DYNC1H1: variants seen among roughly 807,000 people sequenced by gnomAD.
DYNC1H1 encodes the protein cytoplasmic dynein 1 heavy chain 1.
In DYNC1H1, 51 loss-of-function variants were observed where a neutral mutation model predicts 527.1. That is an observed-to-expected ratio of 0.10 (90% CI 0.08 to 0.12). The LOEUF (loss-of-function observed/expected upper bound fraction) is 0.12. DYNC1H1 is among the 10% of genes least tolerant of loss of function. The pLI is 1.00. For missense variants in DYNC1H1, 2,771 were observed against 5,971.8 expected (o/e 0.46, Z 17.66); for synonymous variants, 2,189 against 2,278.8 (o/e 0.96, Z 1.12).
At chr14:101,989,201 A>G (rs2047968587) in intron 10 of DYNC1H1, among the ~76,000 whole-genome samples, 1 of 152,250 alleles carries the variant, frequency 6.6e-6, no homozygotes, top group Admixed American at 6.5e-5. Flanking sequence ...AAAATGAAAA[A>G]TTAAATTTTA....
In DYNC1H1 at chr14:102,002,052, C is replaced by T. The variant is rs975085339; in HGVS notation, c.4542+371C>T. ...CCTCCTAAAGTGCCGGGATTACAGG[C>T]GTGAGTCACCACAGCCAGTCAATAC... On this transcript the variant is annotated intron_variant, in intron 21 of 77. Coordinates refer to ENST00000360184, the MANE Select transcript of DYNC1H1 (RefSeq NM_001376.5). This position sits in a 1 kb window ranked among gnomAD's most constrained non-coding sequence, Gnocchi z 4.4. 3.2e-4 allele frequency among the ~76,000 whole-genome samples: 49 copies of T among 151,906 alleles called. No homozygotes were observed. The highest frequency in any genetic ancestry group is 6.6e-4 in the Admixed American group (10 of 15,250).
intron 2 of DYNC1H1, among the ~76,000 whole-genome samples, chr14:101,978,010 C>T (rs779764605): frequency 9.9e-5 from 15 of 152,200 alleles, no homozygotes; most frequent in Non-Finnish European, 2.2e-4. Flanking sequence ...CCTCAGCCTC[C>T]TGAATAGTTG....
In DYNC1H1 at chr14:102,041,621, C is replaced by T. The variant is rs1399236395; in HGVS notation, c.11989C>T (p.Arg3997Trp). 1.2e-6 allele frequency: 2 copies of T among 1,614,230 alleles called. No individual in the cohort carries two copies. The highest frequency in any genetic ancestry group is 1.7e-6 in the Non-Finnish European group (2 of 1,180,042). Reference protein sequence around the residue: ...IHRLLLIQAFRPDRLLAMAHM... With the variant: ...IHRLLLIQAFWPDRLLAMAHM... ...CCGCCTGCTCCTGATCCAGGCTTTC[C>T]GGCCCGATCGCCTGTTGGCCATGGC... Residue 3997 changes from arginine to tryptophan, a missense_variant, in exon 65 of 78, where the codon CGG becomes TGG. This residue lies in a region of DYNC1H1 where 120 missense variants were observed against 161.9 expected (regional missense o/e 0.74). Transcript: ENST00000360184. This position sits in a 1 kb window ranked among gnomAD's most constrained non-coding sequence, Gnocchi z 4.5.
rs2048369050 is a variant in DYNC1H1 at position 102,020,174 on chromosome 14, T to C, written c.8507+118T>C. 5.7e-6 allele frequency: 8 copies of C among 1,405,224 alleles called. No homozygotes were observed. The highest frequency in any genetic ancestry group is 7.8e-6 in the Non-Finnish European group (8 of 1,022,928). The allele number at this position is 1,405,224 out of a possible 1,614,324, so 87.0% of individuals were successfully genotyped here. A position where few individuals can be genotyped will look rare whatever the true frequency, so the allele number is the denominator to read the frequency against. ...CTAAGTTAGAGCCAGGTGGTGCCAG[T>C]GGTGGAAGGAGCAGAGTCAGCCAGG... On this transcript the variant is annotated intron_variant, in intron 42 of 77. Coordinates refer to ENST00000360184, the MANE Select transcript of DYNC1H1 (RefSeq NM_001376.5). The surrounding 1 kb of genome is among the most constrained non-coding windows in gnomAD (Gnocchi z 4.3).
intron 56 of DYNC1H1, chr14:102,035,288 A>G (rs2048561127): frequency 6.6e-6 from 1 of 152,252 alleles, no homozygotes; most frequent in African/African-American, 2.4e-5. Context: ...CATTCAAACA[A>G]ACAGTCCTCT....
chr14:101,990,726 T>C (rs1346221302), intron 10 of DYNC1H1, among the ~76,000 whole-genome samples: 1 of 151,844 alleles, frequency 6.6e-6, no homozygotes, highest in African/African-American at 2.4e-5. Context: ...AGTACAAAAA[T>C]TAGGCCGGGC....
At position 102,050,859 on chromosome 14, in the gene DYNC1H1, A is replaced by C. The variant is rs1397818738; in HGVS notation, c.*296A>C. Reference sequence around the variant, plus strand: ...CAGAGCCTTGCCTTCCATGCTGCCCAGGGAGGGCAGCCCACGGCAGCCATG... The same window carrying C: ...CAGAGCCTTGCCTTCCATGCTGCCCCGGGAGGGCAGCCCACGGCAGCCATG... On this transcript the variant is annotated 3_prime_UTR_variant, in exon 78 of 78. Coordinates refer to ENST00000360184, the MANE Select transcript of DYNC1H1 (RefSeq NM_001376.5). 1.5e-5 allele frequency: 6 copies of C among 411,272 alleles called. No individual in the cohort carries two copies. Among genetic ancestry groups the C allele is most frequent in the Non-Finnish European group, 2.7e-5 (6 of 220,166 alleles). The allele number at this position is 411,272 out of a possible 1,614,324, so 25.5% of individuals were successfully genotyped here. A position where few individuals can be genotyped will look rare whatever the true frequency, so the allele number is the denominator to read the frequency against.
chr14:102,017,318 TTCC>T lies in DYNC1H1; in HGVS notation c.8055+26_8055+28del. The T allele has an allele frequency of 6.2e-7, 1 of 1,614,130 alleles. No homozygotes were observed. Among genetic ancestry groups the T allele is most frequent in the East Asian group, 2.2e-5 (1 of 44,896 alleles). On this transcript the variant is annotated intron_variant, in intron 39 of 77. Transcript: ENST00000360184. This position sits in a 1 kb window ranked among gnomAD's most constrained non-coding sequence, Gnocchi z 4.6. ...AGGTTTGTTTCTATCCACAAGGCCC[TTCC>T]TGCCCCACAATGTTTCTTGTTCAAG...
rs1474621644 is a variant in DYNC1H1, at chr14:102,020,552, A to G, written c.8507+496A>G. On this transcript the variant is annotated intron_variant, in intron 42 of 77. Transcript: ENST00000360184. The surrounding 1 kb of genome is among the most constrained non-coding windows in gnomAD (Gnocchi z 4.3). ...TGTTTCTCAGTCTGTGTTCTCATCA[A>G]AGGCTTTGCAGCTGCAGCTCTGGGG... Among the ~76,000 whole-genome samples, 1 of 152,104 alleles carries G rather than the reference A, an allele frequency of 6.6e-6. No homozygotes were observed. The highest frequency in any genetic ancestry group is 1.5e-5 in the Non-Finnish European group (1 of 68,006).
intron 42 of DYNC1H1, among the ~76,000 whole-genome samples, chr14:102,022,471 A>G (rs2048395696): frequency 6.6e-6 from 1 of 150,400 alleles, no homozygotes; most frequent in South Asian, 2.1e-4. Context: ...GTGCCAGTGC[A>G]CTCCAGCCTT....
At position 102,030,500 on chromosome 14, in the gene DYNC1H1, G is replaced by A. The variant is rs145822807; in HGVS notation, c.9883+218G>A. ...ACAAAGCTAGATTGTATTTACCATA[G>A]TGAAACCCCTCTCATAAAAGAAACT... On this transcript the variant is annotated intron_variant, in intron 51 of 77. Coordinates refer to ENST00000360184, the MANE Select transcript of DYNC1H1 (RefSeq NM_001376.5). 1,217 of 598,270 alleles carry A rather than the reference G, an allele frequency of 2.0e-3. 12 individuals are homozygous for A. The East Asian group carries it at 0.025, about 12-fold the overall frequency. 37.1% of individuals were successfully genotyped at this position (598,270 alleles called of 1,614,324 possible).
chr14:102,013,320 CA>C (rs975084895), intron 34 of DYNC1H1, among the ~76,000 whole-genome samples: 2 of 133,406 alleles, frequency 1.5e-5, no homozygotes, highest in Non-Finnish European at 3.2e-5. Flanking sequence ...ATTGGACAAA[CA>C]AAATGAATAG....
chr14:102,030,436 A>G (rs776705968), intron 51 of DYNC1H1, 154 bp downstream of exon 51: 11 of 1,124,424 alleles, frequency 9.8e-6, no homozygotes, highest in Non-Finnish European at 1.4e-5. Context: ...CTTTTTCTGA[A>G]TGCTTGAGAT....
chr14:102,028,693 T>C (rs2152589663), intron 48 of DYNC1H1: 1 of 183,804 alleles, frequency 5.4e-6, no homozygotes, highest in African/African-American at 2.4e-5. Flanking sequence ...TCTGATAAAA[T>C]GATCTCCTTT....
At chr14:101,975,845 A>C (rs1257344361) in intron 2 of DYNC1H1, 46 bp downstream of exon 2, 1 of 1,394,020 alleles carries the variant, frequency 7.2e-7, no homozygotes, top group East Asian at 2.3e-5. Context: ...TAAATTTGTG[A>C]GAATTAATAT....
chr14:101,968,348 G>A (rs916212766), intron 1 of DYNC1H1, among the ~76,000 whole-genome samples: 11 of 152,154 alleles, frequency 7.2e-5, no homozygotes, highest in African/African-American at 2.7e-4. Context: ...CAGGAGTGCA[G>A]TGGCCCAGTC....
intron 72 of DYNC1H1, among the ~76,000 whole-genome samples, chr14:102,046,798 G>GTT (rs770862063): frequency 1.7e-4 from 25 of 142,866 alleles, no homozygotes; most frequent in African/African-American, 5.1e-4. Context: ...TGCTGGTTCC[G>GTT]TTTTTTTTTT....
chr14:101,980,244 C>A, intron 4 of DYNC1H1, 120 bp from the exon 5 acceptor site: 2 of 1,321,874 alleles, frequency 1.5e-6, no homozygotes, highest in Non-Finnish European at 2.1e-6. Flanking sequence ...TTTTGATTTA[C>A]AGGGAAGGAA....
Position 102,015,247 on chromosome 14 carries a change from C to A in DYNC1H1, c.7157C>A (p.Pro2386Gln), listed in dbSNP as rs771951943. 1 of 1,614,186 alleles carries A rather than the reference C, an allele frequency of 6.2e-7. No individual in the cohort carries two copies. The highest frequency in any genetic ancestry group is 8.5e-7 in the Non-Finnish European group (1 of 1,180,030). Residue 2386 changes from proline to glutamine, a missense_variant, in exon 35 of 78, where the codon CCG (proline) becomes CAG (glutamine). Transcript: ENST00000360184. The surrounding 1 kb of genome is among the most constrained non-coding windows in gnomAD (Gnocchi z 6.9). ...TTCCTGGCCAGGCTGCGCAGCATCC[C>A]GCTGGATGAAGGGGAGGATGAGGCA... Reference protein sequence around the residue: ...NNFLARLRSIPLDEGEDEAQR... With the variant: ...NNFLARLRSIQLDEGEDEAQR...
Sources: gnomAD v4.1 joint callset for allele counts (sites outside exome capture counted in the v4.1 genomes callset) on GRCh38, gnomAD v4.1.1 for gene constraint, gnomAD v4.1.1 regional missense constraint, Gnocchi (gnomAD v3.1) non-coding constraint, MANE v1.5 for transcripts, NCBI Gene and HGNC (gene_info 2026-07-23, HGNC 2026-07-21) for gene names.